The following DMTN variants were observed in gnomAD, a reference collection of about 807,000 sequenced individuals.
DMTN encodes the protein dematin.
A neutral mutation model predicts 59.4 loss-of-function variants in DMTN; 27 were observed. The ratio of observed to expected loss-of-function variants is 0.45; its 90% CI spans 0.33 to 0.63. The LOEUF (loss-of-function observed/expected upper bound fraction) is 0.63. Among genes scored for constraint, DMTN ranks in the 20% least tolerant of loss-of-function variants. DMTN has a pLI of 0.02. For missense variants in DMTN, 451 were observed against 528.9 expected, an observed-to-expected ratio of 0.85 and a Z score of 1.45; for synonymous variants, 221 against 203.7, an observed-to-expected ratio of 1.08 and a Z score of -0.72.
At chr8:22,061,282 CAAA>C (rs533576492) in intron 1 of DMTN, among the ~76,000 whole-genome samples, 14 of 66,474 alleles carry the variant, frequency 2.1e-4, no homozygotes, top group South Asian at 5.3e-4. Flanking sequence ...GACCCTGTCT[CAAA>C]AAAAAAAAAA....
intron 1 of DMTN, among the ~76,000 whole-genome samples, chr8:22,057,613 C>T (rs1803407151): frequency 6.6e-6 from 1 of 152,128 alleles, no homozygotes; most frequent in Non-Finnish European, 1.5e-5. Flanking sequence ...AGAGCCTGCC[C>T]CCAGCCAGTG....
At position 22,058,270 on chromosome 8, in the gene DMTN, G is replaced by C. The variant is rs1389630860; in HGVS notation, c.-172+1134G>C. Reference sequence around the variant, plus strand: ...CTCCTGGGTGAGGTTGTCCACCCGTGGGTGGATGTCTGCAGAATCCCTCTC... The same window carrying C: ...CTCCTGGGTGAGGTTGTCCACCCGTCGGTGGATGTCTGCAGAATCCCTCTC... On this transcript the variant is annotated intron_variant, in intron 1 of 15. Coordinates refer to ENST00000358242, the MANE Select transcript of DMTN (RefSeq NM_001387751.1). This position sits in a 1 kb window ranked among gnomAD's most constrained non-coding sequence, Gnocchi z 4.3. 6.6e-6 allele frequency among the ~76,000 whole-genome samples: 1 copy of C among 152,182 alleles called. No individual in the cohort carries two copies. The highest frequency in any genetic ancestry group is 2.4e-5 in the African/African-American group (1 of 41,444).
chr8:22,052,090 C>T (rs776440626), upstream of DMTN, among the ~76,000 whole-genome samples: 6 of 152,222 alleles, frequency 3.9e-5, no homozygotes, highest in Non-Finnish European at 8.8e-5. Flanking sequence ...AGACCGCAGG[C>T]TCCTCCTCTG....
chr8:22,070,389 C>A, intron 8 of DMTN, 55 bp downstream of exon 8: 1 of 1,535,484 alleles, frequency 6.5e-7, no homozygotes, highest in Non-Finnish European at 8.8e-7. Context: ...TGCACTCCCT[C>A]CCCTTGGCTC....
At position 22,080,231 on chromosome 8, in the gene DMTN, C is replaced by T. The variant is rs1230740435; in HGVS notation, c.887C>T (p.Thr296Ile). The T allele has an allele frequency of 3.7e-6, 6 of 1,614,122 alleles. No individual in the cohort carries two copies. Among genetic ancestry groups the T allele is most frequent in the Non-Finnish European group, 5.1e-6 (6 of 1,180,056 alleles). ...TCCTCTCTCCCCGCCTATGGCAGGA[C>T]CACCCTGAGCCGGGTAAGGTCTCAG... ...KSSSLPAYGR[T>I]TLSRLQSTEF... The change falls in exon 11 of 16, where the codon ACC becomes ATC. Residue 296 changes from threonine (T) to isoleucine (I), a missense_variant. Transcript: ENST00000358242.
rs116485425 is a variant in DMTN, at chr8:22,079,970, T to C, written c.836-210T>C. Among the ~76,000 whole-genome samples the C allele has an allele frequency of 4.8e-3, 724 of 152,250 alleles. 5 individuals carry two copies. The highest frequency in any genetic ancestry group is 0.017 in the African/African-American group (692 of 41,536). On this transcript the variant is annotated intron_variant, in intron 10 of 15. Transcript: ENST00000358242. ...CACTTCTAGCTGGAGAGAAGAGGGA[T>C]GGTGGTAGAGACAGCTGAGAACCAC...
At position 22,066,907 on chromosome 8, in the gene DMTN, C is replaced by A. The variant is rs1225926313; in HGVS notation, c.18+14C>A. ...CGGCTGCAGAAGGTGCGCGGCGCCGCCCCGGGCCGGGGCCGCCGAGGGCGG... is the reference window on the plus strand; with the variant it reads ...CGGCTGCAGAAGGTGCGCGGCGCCGACCCGGGCCGGGGCCGCCGAGGGCGG... On this transcript the variant is annotated intron_variant, in intron 2 of 15. Coordinates refer to ENST00000358242, the MANE Select transcript of DMTN (RefSeq NM_001387751.1). 7 of 1,257,038 alleles carry A rather than the reference C, an allele frequency of 5.6e-6. No homozygotes were observed. The highest frequency in any genetic ancestry group is 4.1e-5 in the Admixed American group (1 of 24,370). The allele number at this position is 1,257,038 out of a possible 1,614,324, so 77.9% of individuals were successfully genotyped here. A position where few individuals can be genotyped will look rare whatever the true frequency, so the allele number is the denominator to read the frequency against.
At position 22,067,686 on chromosome 8, in the gene DMTN, AG is replaced by A; in HGVS notation, c.249+9del. The A allele has an allele frequency of 6.2e-7, 1 of 1,613,430 alleles. No homozygotes were observed. The highest frequency in any genetic ancestry group is 8.5e-7 in the Non-Finnish European group (1 of 1,179,960). Reference sequence around the variant, plus strand: ...GGAGCTGCCTCGCAGCCGCGAGGTGAGGGGGCTCCTCTTGGGCAGGACTCCG... The same window carrying A: ...GGAGCTGCCTCGCAGCCGCGAGGTGAGGGGCTCCTCTTGGGCAGGACTCCG... On this transcript the variant is annotated splice_donor_5th_base_variant and intron_variant, in intron 4 of 15. Transcript: ENST00000358242.
At chr8:22,077,789 T>C (rs1222388939) in intron 10 of DMTN, among the ~76,000 whole-genome samples, 4 of 152,182 alleles carry the variant, frequency 2.6e-5, no homozygotes. Context: ...AACAGGCATG[T>C]CATTCTGATT....
upstream of DMTN, among the ~76,000 whole-genome samples, chr8:22,051,707 C>G (rs56176965): frequency 2.0e-5 from 3 of 151,990 alleles, no homozygotes; most frequent in African/African-American, 7.3e-5. Context: ...CGTGACTGCT[C>G]TCTGCCAAAC....
At chr8:22,061,282 C>T (rs1280118581) in intron 1 of DMTN, among the ~76,000 whole-genome samples, 1 of 66,536 alleles carries the variant, frequency 1.5e-5, no homozygotes, top group Non-Finnish European at 3.2e-5. Flanking sequence ...GACCCTGTCT[C>T]AAAAAAAAAA....
At chr8:22,073,930 C>T in intron 10 of DMTN, 95 bp downstream of exon 10, 1 of 997,658 alleles carries the variant, frequency 1.0e-6, no homozygotes, top group Admixed American at 2.0e-5. Context: ...GGATGCAATC[C>T]CTGACCCAAA....
chr8:22,061,486 C>T (rs531241954), intron 1 of DMTN, among the ~76,000 whole-genome samples: 22 of 152,230 alleles, frequency 1.4e-4, no homozygotes, highest in African/African-American at 5.3e-4. Flanking sequence ...ACCACATACT[C>T]CTGAGACATG....
Position 22,067,143 on chromosome 8 carries a change from C to G in DMTN, c.77C>G (p.Ser26Cys), listed in dbSNP as rs778177714. 2 of 1,608,832 alleles carry G rather than the reference C, an allele frequency of 1.2e-6. No individual in the cohort carries two copies. The highest frequency in any genetic ancestry group is 1.1e-5 in the South Asian group (1 of 90,726). The change falls in exon 3 of 16, where the codon TCT becomes TGT. Residue 26 changes from serine (S) to cysteine (C), a missense_variant. Transcript: ENST00000358242. ...SPSRDSSVPG[S>C]PSSIVAKMDN... ...TCCCGAGATTCCAGTGTGCCTGGCT[C>G]TCCCTCCAGCATCGTGGTGAGTACC...
rs989878283 is a variant in DMTN, at chr8:22,082,134, G to A, written c.*671G>A. 5 of 456,270 alleles carry A rather than the reference G, an allele frequency of 1.1e-5. No individual in the cohort carries two copies. Among genetic ancestry groups the A allele is most frequent in the Admixed American group, 4.7e-5 (2 of 42,554 alleles). 28.3% of individuals were successfully genotyped at this position (456,270 alleles called of 1,614,324 possible). A position where few individuals can be genotyped will look rare whatever the true frequency, so the allele number is the denominator to read the frequency against. On this transcript the variant is annotated 3_prime_UTR_variant, in exon 16 of 16. Transcript: ENST00000358242. ...GGCCCTCCACCTGCCTCCAGGCCAC[G>A]AAATGGGAATTCCAGCACTAAGCCA...
chr8:22,052,074 A>T (rs75026812), upstream of DMTN, among the ~76,000 whole-genome samples: 2,806 of 152,238 alleles, frequency 0.018, 222 homozygotes, highest in Admixed American at 0.14. Context: ...ACACACACAC[A>T]CACCCAGACC....
intron 1 of DMTN, among the ~76,000 whole-genome samples, chr8:22,061,389 C>A (rs1017761560): frequency 6.6e-6 from 1 of 152,190 alleles, no homozygotes; most frequent in Non-Finnish European, 1.5e-5. Flanking sequence ...GTTCATATGA[C>A]TGTGACCATC....
chr8:22,065,115 C>T (rs1025115125), intron 1 of DMTN, among the ~76,000 whole-genome samples: 1 of 152,140 alleles, frequency 6.6e-6, no homozygotes. Context: ...ACTGCAGCCT[C>T]GATATCATGG....
chr8:22,071,950 G>T (rs748676275), intron 8 of DMTN, among the ~76,000 whole-genome samples: 1 of 152,106 alleles, frequency 6.6e-6, no homozygotes, highest in Admixed American at 6.6e-5. Flanking sequence ...ATGGAGTGCA[G>T]TGACTCCATC....
Sources: gnomAD v4.1 joint callset for allele counts (sites outside exome capture counted in the v4.1 genomes callset) on GRCh38, gnomAD v4.1.1 for gene constraint, Gnocchi (gnomAD v3.1) non-coding constraint, MANE v1.5 for transcripts, NCBI Gene and HGNC (gene_info 2026-07-23, HGNC 2026-07-21) for gene names.